Variants in IFT88 observed in about 807,000 individuals in gnomAD.
The protein encoded by IFT88 is intraflagellar transport 88.
A neutral mutation model predicts 119.5 loss-of-function variants in IFT88; 74 were observed. The observed-to-expected ratio is 0.62, with a 90% CI of 0.51 to 0.75. IFT88 has a LOEUF of 0.75. Among genes scored for constraint, IFT88 ranks in the 30% least tolerant of loss-of-function variants. IFT88 has a pLI of 0.00. For synonymous variants in IFT88, 279 were observed against 316.7 expected, an observed-to-expected ratio of 0.88 and a Z score of 1.26; for missense variants, 961 against 977.7, an observed-to-expected ratio of 0.98 and a Z score of 0.23.
chr13:20,592,367 G>A lies in IFT88; in HGVS notation c.361G>A (p.Gly121Ser), dbSNP rs2040825207. Residue 121 changes from glycine to serine, a missense_variant, in exon 7 of 26, where the codon GGC becomes AGC. By Grantham distance (56) the Gly-to-Ser change is moderately conservative (BLOSUM62 0). Coordinates refer to ENST00000351808, the MANE Select transcript of IFT88 (RefSeq NM_006531.5). ...SAFDPLSQSR[G>S]PASPLEAKKK... ...ATTTGACCCCCTTAGTCAGTCAAGG[G>A]GCCCTGCTTCCCCTTTGGAAGCCAA... 6.2e-7 allele frequency: 1 copy of A among 1,611,424 alleles called. No homozygotes were observed. The highest frequency in any genetic ancestry group is 1.3e-5 in the African/African-American group (1 of 74,764).
intron 13 of IFT88, chr13:20,607,682 G>A (rs1476172428): frequency 4.6e-6 from 4 of 870,218 alleles, no homozygotes; most frequent in South Asian, 2.6e-5. Context: ...GGTCAGCAGC[G>A]ACTTGACTAC....
intron 11 of IFT88, among the ~76,000 whole-genome samples, chr13:20,600,731 T>G (rs1355639118): frequency 2.6e-5 from 4 of 152,132 alleles, no homozygotes; most frequent in African/African-American, 9.7e-5. Flanking sequence ...AAACACAAAT[T>G]TACCATGTGA....
At chr13:20,628,730 T>G (rs1428962955) in intron 15 of IFT88, among the ~76,000 whole-genome samples, 1 of 152,228 alleles carries the variant, frequency 6.6e-6, no homozygotes, top group Non-Finnish European at 1.5e-5. Flanking sequence ...GAAGTGTTAT[T>G]ACTTTGTCAA....
chr13:20,631,894 C>G (rs1056614974), intron 16 of IFT88: 1 of 152,090 alleles, frequency 6.6e-6, no homozygotes. Context: ...AGCCTATAAT[C>G]CCAGCACTTT....
chr13:20,691,316 G>A lies in IFT88; in HGVS notation c.*141G>A. On this transcript the variant is annotated 3_prime_UTR_variant, in exon 26 of 26. Transcript: ENST00000351808. ...TAAGTGTATTCTATTCTGTATGTAT[G>A]CATTTAAGTTGTTTTTTTCTTTTAA... 1.4e-6 allele frequency: 1 copy of A among 703,924 alleles called. No homozygotes were observed. Among genetic ancestry groups the A allele is most frequent in the Non-Finnish European group, 2.2e-6 (1 of 456,826 alleles). The allele number at this position is 703,924 out of a possible 1,614,324, so 43.6% of individuals were successfully genotyped here.
chr13:20,604,780 C>T (rs1002987428), intron 12 of IFT88, among the ~76,000 whole-genome samples: 4 of 152,198 alleles, frequency 2.6e-5, no homozygotes, highest in African/African-American at 9.6e-5. Flanking sequence ...AATGGTGAAA[C>T]CTCATCTCTA....
intron 3 of IFT88, among the ~76,000 whole-genome samples, chr13:20,583,524 G>C (rs2039102881): frequency 6.6e-6 from 1 of 152,002 alleles, no homozygotes; most frequent in African/African-American, 2.4e-5. Flanking sequence ...ATATATTCTG[G>C]ATATTAATGT....
chr13:20,601,368 A>C (rs897526560), intron 11 of IFT88, among the ~76,000 whole-genome samples: 1 of 1,644 alleles, frequency 6.1e-4, no homozygotes, highest in South Asian at 0.5. Context: ...CCTGTCTGAA[A>C]AAAAAAAAAA....
At chr13:20,617,898 ATCC>A (rs1192467498) in intron 14 of IFT88, among the ~76,000 whole-genome samples, 1 of 151,970 alleles carries the variant, frequency 6.6e-6, no homozygotes, top group Admixed American at 6.6e-5. Flanking sequence ...GGTTCAAGTG[ATCC>A]TCCTGCCTCA....
intron 24 of IFT88, among the ~76,000 whole-genome samples, chr13:20,677,711 T>C (rs2056849623): frequency 6.6e-6 from 1 of 152,228 alleles, no homozygotes; most frequent in East Asian, 1.9e-4. Context: ...TCTTAATTAT[T>C]GCATCTTAAT....
At chr13:20,652,364 C>G (rs1353056886) in intron 20 of IFT88, among the ~76,000 whole-genome samples, 1 of 152,140 alleles carries the variant, frequency 6.6e-6, no homozygotes, top group East Asian at 1.9e-4. Context: ...CTGCCAGGTG[C>G]AGTGGCTCAT....
chr13:20,598,830 T>A, intron 10 of IFT88, 77 bp downstream of exon 10: 1 of 851,006 alleles, frequency 1.2e-6, no homozygotes, highest in Non-Finnish European at 2.0e-6. Context: ...ATTTTATGCT[T>A]CCTTAAAATG....
intron 24 of IFT88, among the ~76,000 whole-genome samples, chr13:20,680,172 T>G (rs148463665): frequency 3.1e-3 from 469 of 152,336 alleles, no homozygotes; most frequent in Middle Eastern, 6.8e-3. Context: ...TGATAAATAC[T>G]AAGACCAGAA....
chr13:20,621,640 A>G (rs1453329057), intron 14 of IFT88, among the ~76,000 whole-genome samples: 1 of 151,916 alleles, frequency 6.6e-6, no homozygotes, highest in East Asian at 1.9e-4. Flanking sequence ...CAGAATGTAC[A>G]GAGTTTCCAT....
chr13:20,625,611 T>C (rs1398357767), intron 14 of IFT88, 139 bp from the exon 15 acceptor site: 3 of 543,812 alleles, frequency 5.5e-6, no homozygotes, highest in African/African-American at 4.0e-5. Context: ...AAAACCTGTG[T>C]TGGAGCAAAT....
Position 20,586,476 on chromosome 13 carries a change from A to G in IFT88, c.154-3335A>G, listed in dbSNP as rs550946927. On this transcript the variant is annotated intron_variant, in intron 3 of 25. Coordinates refer to ENST00000351808, the MANE Select transcript of IFT88 (RefSeq NM_006531.5). ...CCACTAGTTGGGAAAGTCAGAAGAG[A>G]TTGCTTAGAAGATAAATTAAGAGTT... Among the ~76,000 whole-genome samples the G allele has an allele frequency of 7.2e-5, 11 of 152,280 alleles. No individual in the cohort carries two copies. The East Asian group carries it at 2.1e-3, about 29-fold the overall frequency.
At chr13:20,611,641 G>T (rs1431784352) in intron 13 of IFT88, among the ~76,000 whole-genome samples, 2 of 150,844 alleles carry the variant, frequency 1.3e-5, no homozygotes, top group African/African-American at 4.9e-5. Flanking sequence ...ATCTTGCTCT[G>T]TTGCCCAGGC....
intron 24 of IFT88, among the ~76,000 whole-genome samples, chr13:20,672,110 C>G (rs2055972159): frequency 1.3e-5 from 2 of 152,162 alleles, no homozygotes; most frequent in Admixed American, 6.5e-5. Context: ...AGTTTTCAAA[C>G]TTTCCTAGGG....
At chr13:20,652,466 C>G (rs1033647121) in intron 20 of IFT88, among the ~76,000 whole-genome samples, 1 of 151,512 alleles carries the variant, frequency 6.6e-6, no homozygotes, top group Non-Finnish European at 1.5e-5. Context: ...GCAAAACTCT[C>G]TTTAAAAAAA....
Sources: allele counts gnomAD v4.1 joint callset (sites outside exome capture counted in the v4.1 genomes callset), GRCh38; gene constraint gnomAD v4.1.1; transcripts MANE v1.5; gene names NCBI Gene and HGNC (gene_info 2026-07-23, HGNC 2026-07-21).